RASGRP2: variants seen among roughly 807,000 people sequenced by gnomAD.
RASGRP2 encodes RAS guanyl-releasing protein 2.
In RASGRP2, 44 loss-of-function variants were observed where a neutral mutation model predicts 71.0. The observed-to-expected ratio is 0.62, with a 90% CI of 0.49 to 0.80. The LOEUF is 0.80. RASGRP2 is among the 30% of genes least tolerant of loss of function. RASGRP2 has a pLI of 0.00. For synonymous variants in RASGRP2, 350 were observed against 330.7 expected, an observed-to-expected ratio of 1.06 and a Z score of -0.63; for missense variants, 663 against 813.4, an observed-to-expected ratio of 0.82 and a Z score of 2.25.
rs997231813 is a variant in RASGRP2 at position 64,744,092 on chromosome 11, C to T, written c.-161G>A. Reference sequence around the variant, plus strand: ...TGAGCCAGGCCAGCCTTGAGTCCCGCGGCCACACAGGCGCTGACATCCTCA... The same window carrying T: ...TGAGCCAGGCCAGCCTTGAGTCCCGTGGCCACACAGGCGCTGACATCCTCA... On this transcript the variant is annotated 5_prime_UTR_variant, in exon 1 of 17. Coordinates refer to ENST00000394432, the MANE Select transcript of RASGRP2 (RefSeq NM_001098671.2). The T allele has an allele frequency of 2.3e-5, 23 of 988,188 alleles. No individual in the cohort carries two copies. The highest frequency in any genetic ancestry group is 4.5e-5 in the South Asian group (1 of 22,116). 61.2% of individuals were successfully genotyped at this position (988,188 alleles called of 1,614,324 possible).
At chr11:64,745,402 A>T (rs2058269266), upstream of RASGRP2, 1 of 152,488 alleles carries the variant, frequency 6.6e-6, no homozygotes, top group African/African-American at 2.4e-5. Context: ...ATGGGCTAGG[A>T]CAAGATGGGA....
intron 12 of RASGRP2, among the ~76,000 whole-genome samples, chr11:64,732,747 C>T (rs1245259431): frequency 6.6e-6 from 1 of 151,404 alleles, no homozygotes; most frequent in African/African-American, 2.4e-5. Context: ...CGCCACCGCA[C>T]TCCAGTCTGG....
chr11:64,734,523 G>T (rs898945664), intron 12 of RASGRP2, among the ~76,000 whole-genome samples: 3 of 151,820 alleles, frequency 2.0e-5, no homozygotes, highest in Non-Finnish European at 2.9e-5. Context: ...TTTTACCGTG[G>T]ATTTTTGTAA....
intron 12 of RASGRP2, among the ~76,000 whole-genome samples, chr11:64,732,475 A>G (rs2057793366): frequency 6.6e-6 from 1 of 151,598 alleles, no homozygotes; most frequent in African/African-American, 2.4e-5. Flanking sequence ...CCTGCGCAAC[A>G]TGGTGAAACC....
chr11:64,729,831 G>A (rs747572645), intron 13 of RASGRP2, 33 bp from the exon 14 acceptor site: 16 of 1,612,614 alleles, frequency 9.9e-6, no homozygotes, highest in Non-Finnish European at 1.4e-5. Context: ...GTGGGAGGAG[G>A]GATTTAGAGG....
At chr11:64,729,640 C>G in intron 14 of RASGRP2, 122 bp downstream of exon 14, 1 of 1,254,428 alleles carries the variant, frequency 8.0e-7, no homozygotes, top group Admixed American at 1.7e-5. Flanking sequence ...CCCGGCCATG[C>G]GCCTCTGATT....
chr11:64,742,765 G>A lies in RASGRP2; in HGVS notation c.73+29C>T, dbSNP rs1351784148. Reference sequence around the variant, plus strand: ...GGGCTCAGACTCGGGGCTAGGCTCAGGCTCCGTGTGCCCTCCCGAGCCACT... The same window carrying A: ...GGGCTCAGACTCGGGGCTAGGCTCAAGCTCCGTGTGCCCTCCCGAGCCACT... On this transcript the variant is annotated intron_variant, in intron 2 of 16. Coordinates refer to ENST00000394432, the MANE Select transcript of RASGRP2 (RefSeq NM_001098671.2). This position sits in a 1 kb window ranked among gnomAD's most constrained non-coding sequence, Gnocchi z 4.7. The A allele has an allele frequency of 6.3e-7, 1 of 1,587,958 alleles. No homozygotes were observed.
intron 16 of RASGRP2, 72 bp from the exon 17 acceptor site, chr11:64,727,203 G>A (rs1329063559): frequency 7.0e-6 from 8 of 1,142,872 alleles, no homozygotes; most frequent in Non-Finnish European, 1.1e-5. Flanking sequence ...CTGGCTTGGA[G>A]CCATTTGGAT....
In RASGRP2 at chr11:64,743,004, A is replaced by C; in HGVS notation, c.-71-67T>G. The C allele has an allele frequency of 6.8e-7, 1 of 1,481,188 alleles. No homozygotes were observed. The highest frequency in any genetic ancestry group is 9.0e-7 in the Non-Finnish European group (1 of 1,109,026). The allele number at this position is 1,481,188 out of a possible 1,614,324, so 91.8% of individuals were successfully genotyped here. On this transcript the variant is annotated intron_variant, in intron 1 of 16. Transcript: ENST00000394432. The surrounding 1 kb of genome is among the most constrained non-coding windows in gnomAD (Gnocchi z 4.9). ...GCGGGGGAGCGGCCCCGCGGGCAGAAACGGGGCGGGGCGGGCACGCCCCCT... is the reference window on the plus strand; with the variant it reads ...GCGGGGGAGCGGCCCCGCGGGCAGACACGGGGCGGGGCGGGCACGCCCCCT...
chr11:64,740,823 C>T, intron 5 of RASGRP2, 125 bp downstream of exon 5: 1 of 1,296,916 alleles, frequency 7.7e-7, no homozygotes, highest in African/African-American at 1.5e-5. Context: ...AATAGGGAGC[C>T]ATGGAAGGTT....
Position 64,739,505 on chromosome 11 carries a change from G to A in RASGRP2, c.697-29C>T, listed in dbSNP as rs369281423. On this transcript the variant is annotated intron_variant, in intron 7 of 16. Transcript: ENST00000394432. The surrounding 1 kb of genome is among the most constrained non-coding windows in gnomAD (Gnocchi z 4.2). Reference sequence around the variant, plus strand: ...GAAGGCAAATGGGGACGGAGAGGCAGGGAGTCACTGAGTGGGCCCAGAATT... The same window carrying A: ...GAAGGCAAATGGGGACGGAGAGGCAAGGAGTCACTGAGTGGGCCCAGAATT... 6.2e-7 allele frequency: 1 copy of A among 1,610,916 alleles called. No individual in the cohort carries two copies. Among genetic ancestry groups the A allele is most frequent in the African/African-American group, 1.3e-5 (1 of 74,880 alleles).
At position 64,742,751 on chromosome 11, in the gene RASGRP2, CG is replaced by C; in HGVS notation, c.73+42del. ...GGAGGCAGGGACCCGGGCTCAGACT[CG>C]GGGCTAGGCTCAGGCTCCGTGTGCC... is the stretch of plus-strand genomic sequence containing the variant. On this transcript the variant is annotated intron_variant, in intron 2 of 16. Transcript: ENST00000394432. The surrounding 1 kb of genome is among the most constrained non-coding windows in gnomAD (Gnocchi z 4.7). The C allele has an allele frequency of 6.4e-7, 1 of 1,573,654 alleles. No homozygotes were observed.
intron 15 of RASGRP2, 29 bp downstream of exon 15, chr11:64,728,834 C>T: frequency 6.4e-7 from 1 of 1,570,826 alleles, no homozygotes; most frequent in Non-Finnish European, 8.7e-7. Flanking sequence ...CTTCCCTCCA[C>T]AGGCCAGTAC....
chr11:64,732,756 G>A (rs939264287), intron 12 of RASGRP2, among the ~76,000 whole-genome samples: 10 of 151,746 alleles, frequency 6.6e-5, no homozygotes, highest in African/African-American at 2.4e-4. Context: ...ACTCCAGTCT[G>A]GGTGACAGAG....
chr11:64,728,573 G>T (rs1233708383), intron 15 of RASGRP2, among the ~76,000 whole-genome samples: 3 of 151,872 alleles, frequency 2.0e-5, no homozygotes, highest in African/African-American at 4.8e-5. Flanking sequence ...GACTACAGGC[G>T]TCCGCCACCA....
Position 64,735,355 on chromosome 11 carries a change from C to T in RASGRP2, c.1297-128G>A. ...CTCAGAGAGGTCTCTGACACCACCC[C>T]CGTTCCATACCTCCACCCCCACCCT... On this transcript the variant is annotated intron_variant, in intron 11 of 16. Transcript: ENST00000394432. This position sits in a 1 kb window ranked among gnomAD's most constrained non-coding sequence, Gnocchi z 4.2. 2 of 1,276,762 alleles carry T rather than the reference C, an allele frequency of 1.6e-6. No individual in the cohort carries two copies. The highest frequency in any genetic ancestry group is 2.3e-6 in the Non-Finnish European group (2 of 886,848). The allele number at this position is 1,276,762 out of a possible 1,614,324, so 79.1% of individuals were successfully genotyped here.
Position 64,742,779 on chromosome 11 carries a change from T to G in RASGRP2, c.73+15A>C. On this transcript the variant is annotated intron_variant, in intron 2 of 16. Transcript: ENST00000394432. This position sits in a 1 kb window ranked among gnomAD's most constrained non-coding sequence, Gnocchi z 4.7. The stretch of plus-strand genomic sequence containing the variant: ...GGCTAGGCTCAGGCTCCGTGTGCCC[T>G]CCCGAGCCACTCACCGAAGGCTTCG... 1 of 1,596,662 alleles carries G rather than the reference T, an allele frequency of 6.3e-7. No individual in the cohort carries two copies. The highest frequency in any genetic ancestry group is 8.5e-7 in the Non-Finnish European group (1 of 1,173,160).
chr11:64,735,479 C>CAA lies in RASGRP2; in HGVS notation c.1296+62_1296+63insTT, dbSNP rs1246810345. The CAA allele has an allele frequency of 3.7e-6, 6 of 1,610,592 alleles. No homozygotes were observed. In the African/African-American group the frequency reaches 4.0e-5, roughly 11 times the overall value. On this transcript the variant is annotated intron_variant, in intron 11 of 16. Coordinates refer to ENST00000394432, the MANE Select transcript of RASGRP2 (RefSeq NM_001098671.2). This position sits in a 1 kb window ranked among gnomAD's most constrained non-coding sequence, Gnocchi z 4.2. ...TGAACAGGACACTCGTGCTGGCTTCCAGGGCAGTGCTCCGGCAAACTGGCC... is the reference window on the plus strand; with the variant it reads ...TGAACAGGACACTCGTGCTGGCTTCCAAAGGGCAGTGCTCCGGCAAACTGGCC...
chr11:64,736,750 C>T lies in RASGRP2; in HGVS notation c.1095+3G>A, dbSNP rs2057951651. On this transcript the variant is annotated splice_donor_region_variant and intron_variant, in intron 9 of 16. Transcript: ENST00000394432. ...CCCCACCTCCCTGCCCCCTGCTCCT[C>T]ACCGTGAGCAGGCTCAGCAGGTCGG... 6.3e-7 allele frequency: 1 copy of T among 1,577,772 alleles called. No homozygotes were observed. Among genetic ancestry groups the T allele is most frequent in the Non-Finnish European group, 8.6e-7 (1 of 1,162,394 alleles).
Sources: gnomAD v4.1 joint callset for allele counts (sites outside exome capture counted in the v4.1 genomes callset) on GRCh38, gnomAD v4.1.1 for gene constraint, Gnocchi (gnomAD v3.1) non-coding constraint, MANE v1.5 for transcripts, NCBI Gene and HGNC (gene_info 2026-07-23, HGNC 2026-07-21) for gene names.